Variants in PCDHA6 observed in about 807,000 individuals in gnomAD.
The protein encoded by PCDHA6 is protocadherin alpha 6.
In PCDHA6, 55 loss-of-function variants were observed where a neutral mutation model predicts 60.3. The observed-to-expected ratio is 0.91, with a 90% CI of 0.73 to 1.14. The LOEUF (loss-of-function observed/expected upper bound fraction) is 1.14. Ranked by LOEUF, PCDHA6 falls within the 50% of genes most tolerant of loss-of-function variation. The pLI is 0.00. For missense variants in PCDHA6, 1,327 were observed against 1,256.5 expected, an observed-to-expected ratio of 1.06 and a Z score of -0.85; for synonymous variants, 652 against 557.9, an observed-to-expected ratio of 1.17 and a Z score of -2.38.
chr5:140,888,447 A>G (rs1554183478), intron 1 of PCDHA6, among the ~76,000 whole-genome samples: 1 of 152,190 alleles, frequency 6.6e-6, no homozygotes, highest in Non-Finnish European at 1.5e-5. Context: ...CCCAACAATA[A>G]AGAATTAGCT....
intron 1 of PCDHA6, chr5:140,834,480 T>C: frequency 1.2e-6 from 2 of 1,614,154 alleles, no homozygotes; most frequent in Non-Finnish European, 8.5e-7. Flanking sequence ...CCAGCTCCAC[T>C]ACTCGGTCCC....
chr5:140,978,875 T>A, intron 1 of PCDHA6, 74 bp from the exon 2 acceptor site: 2 of 1,609,316 alleles, frequency 1.2e-6, no homozygotes, highest in Non-Finnish European at 1.7e-6. Flanking sequence ...AGGGAGTAAC[T>A]AATCAATTAG....
At chr5:140,941,319 CTTT>C (rs70988781) in intron 1 of PCDHA6, among the ~76,000 whole-genome samples, 1 of 104,392 alleles carries the variant, frequency 9.6e-6, no homozygotes. Flanking sequence ...TCTTCTTTCT[CTTT>C]TTTTTTTTTT....
intron 1 of PCDHA6, chr5:140,841,894 G>T (rs2150324994): frequency 6.2e-7 from 1 of 1,613,814 alleles, no homozygotes; most frequent in Non-Finnish European, 8.5e-7. Flanking sequence ...AGAATAAACT[G>T]GTTGAGCTCG....
intron 1 of PCDHA6, chr5:140,877,932 A>G: frequency 7.1e-7 from 1 of 1,407,638 alleles, no homozygotes; most frequent in Non-Finnish European, 9.3e-7. Flanking sequence ...TTATGATTCT[A>G]TCCTTTAAAC....
In PCDHA6 at chr5:140,857,269, G is replaced by T. The variant is rs375802816; in HGVS notation, c.2394+26784G>T. 8.1e-6 allele frequency: 13 copies of T among 1,598,726 alleles called. 1 individual carries two copies. The highest frequency in any genetic ancestry group is 1.1e-5 in the South Asian group (1 of 90,558). On this transcript the variant is annotated intron_variant, in intron 1 of 3. Coordinates refer to ENST00000529310, the MANE Select transcript of PCDHA6 (RefSeq NM_018909.4). ...CCTACAAGAATTACTACTCATTGGT[G>T]CTGGACAGCGCTCTGGACCGCGAGA... is the stretch of plus-strand genomic sequence containing the variant.
chr5:140,858,465 T>C lies in PCDHA6; in HGVS notation c.2394+27980T>C, dbSNP rs1554151663. The C allele has an allele frequency of 1.3e-6, 2 of 1,522,706 alleles. 1 individual carries two copies. The allele number at this position is 1,522,706 out of a possible 1,614,324, so 94.3% of individuals were successfully genotyped here. ...GGTTATTACGTTTTCATTTTCCTTT[T>C]GTGCTTTATGAATAATATTTTCTCT... On this transcript the variant is annotated intron_variant, in intron 1 of 3. Coordinates refer to ENST00000529310, the MANE Select transcript of PCDHA6 (RefSeq NM_018909.4).
intron 1 of PCDHA6, chr5:140,928,706 A>T: frequency 6.2e-7 from 1 of 1,613,858 alleles, no homozygotes; most frequent in Non-Finnish European, 8.5e-7. Flanking sequence ...CGGGCGTCTG[A>T]CTCTAGTCTC....
At chr5:141,005,469 C>T (rs549630927) in intron 3 of PCDHA6, among the ~76,000 whole-genome samples, 2 of 151,656 alleles carry the variant, frequency 1.3e-5, no homozygotes, top group South Asian at 2.1e-4. Flanking sequence ...TTTGGGAGGC[C>T]GAGACGGGCG....
chr5:140,875,698 G>C (rs2055722414), intron 1 of PCDHA6: 1 of 1,614,084 alleles, frequency 6.2e-7, no homozygotes, highest in African/African-American at 1.3e-5. Context: ...GGACCTTCTG[G>C]AGGTAAATCT....
chr5:140,877,511 C>T (rs1582389090), intron 1 of PCDHA6: 2 of 1,613,808 alleles, frequency 1.2e-6, no homozygotes, highest in Non-Finnish European at 1.7e-6. Context: ...AAGACGTCGT[C>T]GCGGGCCTCA....
intron 1 of PCDHA6, among the ~76,000 whole-genome samples, chr5:140,965,168 T>A (rs1484687706): frequency 6.6e-6 from 1 of 152,180 alleles, no homozygotes; most frequent in Non-Finnish European, 1.5e-5. Context: ...GACGTTTTAG[T>A]GAGTGCTTTT....
intron 1 of PCDHA6, chr5:140,848,617 A>C (rs2150415016): frequency 6.3e-7 from 1 of 1,593,554 alleles, no homozygotes; most frequent in South Asian, 1.1e-5. Flanking sequence ...GAAGCCGAAC[A>C]CGGCACCTTC....
intron 1 of PCDHA6, chr5:140,850,800 C>T (rs1554144941): frequency 1.9e-6 from 3 of 1,598,392 alleles, no homozygotes; most frequent in African/African-American, 1.3e-5. Context: ...GAAGACCGAC[C>T]TCATGGCCTT....
chr5:140,926,812 G>T (rs908940607), intron 1 of PCDHA6: 28 of 1,458,972 alleles, frequency 1.9e-5, no homozygotes, highest in African/African-American at 2.8e-5. Flanking sequence ...CCCGCGGCTC[G>T]TGCTCTCCAG....
chr5:140,973,554 C>T (rs897513375), intron 1 of PCDHA6, among the ~76,000 whole-genome samples: 3 of 152,316 alleles, frequency 2.0e-5, no homozygotes, highest in Admixed American at 6.5e-5. Flanking sequence ...TTTCAATTAC[C>T]TCTTTCCTCA....
Position 140,927,792 on chromosome 5 carries a change from T to C in PCDHA6, c.2395-51157T>C, listed in dbSNP as rs12522306. On this transcript the variant is annotated intron_variant, in intron 1 of 3. Coordinates refer to ENST00000529310, the MANE Select transcript of PCDHA6 (RefSeq NM_018909.4). The stretch of plus-strand genomic sequence containing the variant: ...AGGTGCAAGTAGCTGCTTCACTAGG[T>C]CCGCCTGAAACGCTCTTGGAGGCAT... 8,419 of 1,614,148 alleles carry C rather than the reference T, an allele frequency of 5.2e-3. 630 individuals carry two copies. The Admixed American group carries it at 0.13, about 25-fold the overall frequency.
chr5:140,994,637 G>A (rs1355719166), intron 3 of PCDHA6, among the ~76,000 whole-genome samples: 1 of 152,078 alleles, frequency 6.6e-6, no homozygotes, highest in Non-Finnish European at 1.5e-5. Context: ...CCTGGAAGGT[G>A]GAGGTTGCAG....
intron 1 of PCDHA6, chr5:140,843,142 T>G (rs1778605767): frequency 6.3e-7 from 1 of 1,595,790 alleles, no homozygotes; most frequent in East Asian, 2.2e-5. Context: ...ACGCGTGGCT[T>G]TCGTATGAGC....
Sources: allele counts gnomAD v4.1 joint callset (sites outside exome capture counted in the v4.1 genomes callset), GRCh38; gene constraint gnomAD v4.1.1; transcripts MANE v1.5; gene names NCBI Gene and HGNC (gene_info 2026-07-23, HGNC 2026-07-21).